APPL1: variants seen among roughly 807,000 people sequenced by gnomAD.
APPL1 encodes adaptor protein, phosphotyrosine interacting with PH domain and leucine zipper 1, also known as DCC-interacting protein 13-alpha.
APPL1 carries 42 observed loss-of-function variants against 106.8 expected under a neutral mutation model. The observed-to-expected ratio is 0.39, with a 90% CI of 0.31 to 0.51. The LOEUF is 0.51. Among genes scored for constraint, APPL1 ranks in the 20% least tolerant of loss-of-function variants. The probability of loss-of-function intolerance (pLI) is 0.75; values close to 1 mark genes in which losing one functional copy is unlikely to be tolerated. For synonymous variants in APPL1, 263 were observed against 281.8 expected, an observed-to-expected ratio of 0.93 and a Z score of 0.67; for missense variants, 769 against 858.2, an observed-to-expected ratio of 0.90 and a Z score of 1.30.
In APPL1 at chr3:57,228,036, GT is replaced by G. The variant is rs944246709; in HGVS notation, c.54+100del. 2.8e-6 allele frequency: 3 copies of G among 1,070,150 alleles called. No individual in the cohort carries two copies. Among genetic ancestry groups the G allele is most frequent in the Non-Finnish European group, 3.6e-6 (3 of 828,558 alleles). 66.3% of individuals were successfully genotyped at this position (1,070,150 alleles called of 1,614,324 possible). A position where few individuals can be genotyped will look rare whatever the true frequency, so the allele number is the denominator to read the frequency against. ...CCCGCAGGTGCCCGCCCCGGCCCAG[GT>G]GGGGGCCGCCGCCGCCCTAGGTCAC... On this transcript the variant is annotated intron_variant, in intron 1 of 21. Transcript: ENST00000288266. The surrounding 1 kb of genome is among the most constrained non-coding windows in gnomAD (Gnocchi z 4.6).
At chr3:57,245,992 C>T (rs2060771617) in intron 7 of APPL1, 84 bp from the exon 8 acceptor site, 5 of 982,962 alleles carry the variant, frequency 5.1e-6, no homozygotes, top group Non-Finnish European at 7.0e-6. Context: ...AGGCTCTTCT[C>T]CACAGCTCCT....
chr3:57,251,390 G>C (rs1471039442), intron 11 of APPL1, among the ~76,000 whole-genome samples: 4 of 151,620 alleles, frequency 2.6e-5, no homozygotes, highest in African/African-American at 7.3e-5. Context: ...TGGGCATGGT[G>C]GTGGGTGCCT....
chr3:57,231,408 A>T (rs986534759), intron 1 of APPL1, among the ~76,000 whole-genome samples: 2 of 150,026 alleles, frequency 1.3e-5, no homozygotes, highest in African/African-American at 4.9e-5. Flanking sequence ...TGGCCAGGCT[A>T]GTCTTGAACT....
At chr3:57,232,183 G>C in intron 1 of APPL1, among the ~76,000 whole-genome samples, 1 of 152,190 alleles carries the variant, frequency 6.6e-6, no homozygotes, top group Non-Finnish European at 1.5e-5. Flanking sequence ...TTTATATGTA[G>C]ATATGTATCT....
At chr3:57,235,412 T>A (rs928505603) in intron 1 of APPL1, among the ~76,000 whole-genome samples, 154 bp from the exon 2 acceptor site, 1 of 152,198 alleles carries the variant, frequency 6.6e-6, no homozygotes, top group African/African-American at 2.4e-5. Context: ...AAAAAAAGAC[T>A]TCTTAACATT....
rs745817886 is a variant in APPL1 at position 57,257,367 on chromosome 3, A to T, written c.1369A>T (p.Ile457Leu). Residue 457 changes from isoleucine to leucine, a missense_variant, in exon 15 of 22, where the codon ATA becomes TTA. Coordinates refer to ENST00000288266, the MANE Select transcript of APPL1 (RefSeq NM_012096.3). ...VAPDTPIQFD[I>L]ISPVCEDQPG... ...CCCAGACACCCCAATACAGTTTGAC[A>T]TAATTTCTCCTGTGTGTGAAGATCA... The T allele has an allele frequency of 3.7e-6, 6 of 1,614,124 alleles. No individual in the cohort carries two copies. The highest frequency in any genetic ancestry group is 5.1e-6 in the Non-Finnish European group (6 of 1,180,018).
chr3:57,272,235 A>G lies in APPL1; in HGVS notation c.*2548A>G, dbSNP rs141456042. 2.6e-5 allele frequency: 4 copies of G among 152,360 alleles called. No individual in the cohort carries two copies. Among genetic ancestry groups the G allele is most frequent in the African/African-American group, 7.2e-5 (3 of 41,578 alleles). 9.4% of individuals were successfully genotyped at this position (152,360 alleles called of 1,614,324 possible). On this transcript the variant is annotated 3_prime_UTR_variant, in exon 22 of 22. Coordinates refer to ENST00000288266, the MANE Select transcript of APPL1 (RefSeq NM_012096.3). ...AACTATGGCAATGAAGTCAGTAGAT[A>G]GGAAACCAGTTATTCCTTCTACCTT...
chr3:57,242,937 C>T lies in APPL1; in HGVS notation c.474+23C>T, dbSNP rs771685058. Reference sequence around the variant, plus strand: ...AAGGTGTGGTACATATTTATTCCTTCAGTGTCATAATTAACTATTCATTAG... The same window carrying T: ...AAGGTGTGGTACATATTTATTCCTTTAGTGTCATAATTAACTATTCATTAG... On this transcript the variant is annotated intron_variant, in intron 7 of 21. Coordinates refer to ENST00000288266, the MANE Select transcript of APPL1 (RefSeq NM_012096.3). The T allele has an allele frequency of 4.5e-6, 7 of 1,570,930 alleles. No homozygotes were observed. In the South Asian group the frequency reaches 7.8e-5, roughly 18 times the overall value.
chr3:57,254,702 G>A (rs1366962207), intron 13 of APPL1, among the ~76,000 whole-genome samples: 46 of 152,276 alleles, frequency 3.0e-4, no homozygotes, highest in African/African-American at 9.9e-4. Context: ...TCAGCCCACT[G>A]CAGCCTCTGC....
chr3:57,244,021 C>T (rs1314641177), intron 7 of APPL1, among the ~76,000 whole-genome samples: 2 of 152,070 alleles, frequency 1.3e-5, no homozygotes, highest in African/African-American at 4.8e-5. Flanking sequence ...GACTAGGAAC[C>T]AGAGTACAAG....
chr3:57,231,334 G>A (rs2060685737), intron 1 of APPL1, among the ~76,000 whole-genome samples: 1 of 85,906 alleles, frequency 1.2e-5, no homozygotes, highest in African/African-American at 3.9e-5. Flanking sequence ...GCGAGACTCC[G>A]TCTCAAAAAA....
At chr3:57,242,790 C>G (rs2060753696) in intron 6 of APPL1, 66 bp from the exon 7 acceptor site, 3 of 1,192,864 alleles carry the variant, frequency 2.5e-6, no homozygotes, top group Non-Finnish European at 3.7e-6. Context: ...ATGTGAAGAC[C>G]ATTGAAAGCA....
At chr3:57,235,420 A>G (rs2060711184) in intron 1 of APPL1, 146 bp from the exon 2 acceptor site, 1 of 467,286 alleles carries the variant, frequency 2.1e-6, no homozygotes, top group Non-Finnish European at 3.8e-6. Context: ...ACTTCTTAAC[A>G]TTACTATCAA....
intron 14 of APPL1, 38 bp from the exon 15 acceptor site, chr3:57,257,200 TCCAAAAGG>T: frequency 6.3e-7 from 1 of 1,580,396 alleles, no homozygotes. Context: ...ATATTTAATA[TCCAAAAGG>T]GAAAATTAAA....
intron 1 of APPL1, among the ~76,000 whole-genome samples, chr3:57,233,203 T>C (rs1025081400): frequency 6.6e-6 from 1 of 152,192 alleles, no homozygotes; most frequent in Non-Finnish European, 1.5e-5. Flanking sequence ...AAATCATAGC[T>C]TAATTGCCAG....
chr3:57,229,394 A>G lies in APPL1; in HGVS notation c.54+1457A>G, dbSNP rs539019002. Among the ~76,000 whole-genome samples the G allele has an allele frequency of 5.3e-5, 8 of 152,102 alleles. No homozygotes were observed. The East Asian group carries it at 1.4e-3, about 26-fold the overall frequency. On this transcript the variant is annotated intron_variant, in intron 1 of 21. Coordinates refer to ENST00000288266, the MANE Select transcript of APPL1 (RefSeq NM_012096.3). The stretch of plus-strand genomic sequence containing the variant: ...TGGATTGCACACTGCCCTGGAAATG[A>G]CTTGTGAGGCAGAGATAAACTCTTG...
At chr3:57,233,293 C>T (rs2060698228) in intron 1 of APPL1, among the ~76,000 whole-genome samples, 1 of 151,954 alleles carries the variant, frequency 6.6e-6, no homozygotes, top group African/African-American at 2.4e-5. Flanking sequence ...TGAAATGGTA[C>T]CATATTGATT....
intron 19 of APPL1, among the ~76,000 whole-genome samples, chr3:57,262,273 T>G (rs186799361): frequency 3.9e-5 from 6 of 152,130 alleles, no homozygotes; most frequent in East Asian, 1.9e-4. Flanking sequence ...TTTGTTTATT[T>G]TTATTGCCTA....
chr3:57,266,990 C>CT, intron 19 of APPL1, among the ~76,000 whole-genome samples: 1 of 151,886 alleles, frequency 6.6e-6, no homozygotes, highest in Non-Finnish European at 1.5e-5. Flanking sequence ...GTTTTGCTTA[C>CT]TATAGCCTTG....
Sources: gnomAD v4.1 joint callset for allele counts (sites outside exome capture counted in the v4.1 genomes callset) on GRCh38, gnomAD v4.1.1 for gene constraint, Gnocchi (gnomAD v3.1) non-coding constraint, MANE v1.5 for transcripts, NCBI Gene and HGNC (gene_info 2026-07-23, HGNC 2026-07-21) for gene names.